The following INPP4B variants were observed in gnomAD, a reference collection of about 807,000 sequenced individuals.
INPP4B encodes inositol polyphosphate 4-phosphatase type II.
In INPP4B, 55 loss-of-function variants were observed where a neutral mutation model predicts 122.5. The ratio of observed to expected loss-of-function variants is 0.45; its 90% CI spans 0.36 to 0.56. The LOEUF is 0.56. Among genes scored for constraint, INPP4B ranks in the 20% least tolerant of loss-of-function variants. The pLI, the probability that INPP4B is intolerant of heterozygous loss-of-function variation, is 0.00. For missense variants in INPP4B, 1,000 were observed against 1,097.7 expected (o/e 0.91, Z 1.26); for synonymous variants, 403 against 388.7 (o/e 1.04, Z -0.43).
At chr4:142,449,483 C>A (rs532419606) in intron 3 of INPP4B, among the ~76,000 whole-genome samples, 124 of 152,218 alleles carry the variant, frequency 8.1e-4, no homozygotes, top group African/African-American at 2.9e-3. Flanking sequence ...GCGGGTGGAT[C>A]ATGAGGTCAA....
At chr4:142,253,427 T>C (rs1733561957) in intron 11 of INPP4B, among the ~76,000 whole-genome samples, 2 of 152,204 alleles carry the variant, frequency 1.3e-5, no homozygotes, top group African/African-American at 4.8e-5. Context: ...GATTTCCGCA[T>C]TTCCATCTGA....
In INPP4B at chr4:142,024,187, T is replaced by A. The variant is rs1736311925; in HGVS notation, c.*4595A>T. The A allele has an allele frequency of 6.6e-6, 1 of 152,170 alleles. No homozygotes were observed. The highest frequency in any genetic ancestry group is 6.6e-5 in the Admixed American group (1 of 15,266). 9.4% of individuals were successfully genotyped at this position (152,170 alleles called of 1,614,324 possible). A position where few individuals can be genotyped will look rare whatever the true frequency, so the allele number is the denominator to read the frequency against. ...TTTATTTTCCAATTCTTAAAGATAG[T>A]TTTTGCTATAGGTGGCATCTCTGTG... On this transcript the variant is annotated 3_prime_UTR_variant, in exon 26 of 26. Transcript: ENST00000262992.
intron 12 of INPP4B, among the ~76,000 whole-genome samples, chr4:142,233,521 T>C (rs1561557905): frequency 6.6e-6 from 1 of 152,180 alleles, no homozygotes; most frequent in Non-Finnish European, 1.5e-5. Context: ...TTGCACTCTT[T>C]GCAACTATTG....
chr4:142,742,435 A>T (rs1768039972), intron 1 of INPP4B, among the ~76,000 whole-genome samples: 1 of 152,024 alleles, frequency 6.6e-6, no homozygotes, highest in Admixed American at 6.6e-5. Flanking sequence ...CCCCATCTTG[A>T]GTTGACTCTA....
At chr4:142,609,402 A>C (rs368191541) in intron 2 of INPP4B, among the ~76,000 whole-genome samples, 1 of 151,996 alleles carries the variant, frequency 6.6e-6, no homozygotes, top group Non-Finnish European at 1.5e-5. Flanking sequence ...TTCTGTGCAC[A>C]TAAGTAAATG....
intron 2 of INPP4B, among the ~76,000 whole-genome samples, chr4:142,584,897 T>C (rs970285362): frequency 2.6e-5 from 4 of 152,188 alleles, no homozygotes; most frequent in Non-Finnish European, 5.9e-5. Flanking sequence ...GTTTATTTAT[T>C]CAGTCATTTA....
At chr4:142,120,363 G>A (rs943629138) in intron 21 of INPP4B, among the ~76,000 whole-genome samples, 1 of 151,950 alleles carries the variant, frequency 6.6e-6, no homozygotes. Context: ...GCCAATTTCT[G>A]CAAAAAGACT....
At position 142,062,119 on chromosome 4, in the gene INPP4B, G is replaced by T. The variant is rs146420525; in HGVS notation, c.2642+19912C>A. Reference sequence around the variant, plus strand: ...GTTAGACTATTTCCTCAAACACAGAGATCTAAGCTTGCTCTAGTAATTCTG... The same window carrying T: ...GTTAGACTATTTCCTCAAACACAGATATCTAAGCTTGCTCTAGTAATTCTG... On this transcript the variant is annotated intron_variant, in intron 25 of 25. Transcript: ENST00000262992. Among the ~76,000 whole-genome samples, 326 of 152,050 alleles carry T rather than the reference G, an allele frequency of 2.1e-3. 1 individual carries two copies. The highest frequency in any genetic ancestry group is 7.6e-3 in the African/African-American group (314 of 41,458).
At chr4:142,361,321 T>C (rs1785312952) in intron 7 of INPP4B, among the ~76,000 whole-genome samples, 1 of 151,982 alleles carries the variant, frequency 6.6e-6, no homozygotes, top group African/African-American at 2.4e-5. Context: ...ATCCCTAATC[T>C]TTGAAAACTA....
At chr4:142,608,935 A>G (rs907986417) in intron 2 of INPP4B, among the ~76,000 whole-genome samples, 4 of 152,100 alleles carry the variant, frequency 2.6e-5, no homozygotes, top group Admixed American at 6.6e-5. Context: ...GTATATTTGA[A>G]TCTTCAGGAC....
chr4:142,510,255 C>T (rs1403740108), intron 2 of INPP4B, among the ~76,000 whole-genome samples: 1 of 152,166 alleles, frequency 6.6e-6, no homozygotes, highest in Non-Finnish European at 1.5e-5. Context: ...TAATCCAACA[C>T]AGAATGCCAC....
intron 18 of INPP4B, among the ~76,000 whole-genome samples, chr4:142,133,934 C>T (rs1052874837): frequency 2.0e-5 from 3 of 152,178 alleles, no homozygotes; most frequent in African/African-American, 7.2e-5. Flanking sequence ...AACATTACAT[C>T]AAAACCCTTT....
intron 7 of INPP4B, among the ~76,000 whole-genome samples, chr4:142,361,726 C>T (rs561089095): frequency 6.6e-6 from 1 of 152,040 alleles, no homozygotes; most frequent in Admixed American, 6.6e-5. Flanking sequence ...TCTGATCCCT[C>T]TGCAAGGTCT....
At chr4:142,378,375 G>T (rs1194848777) in intron 7 of INPP4B, among the ~76,000 whole-genome samples, 1 of 152,120 alleles carries the variant, frequency 6.6e-6, no homozygotes, top group African/African-American at 2.4e-5. Flanking sequence ...TAAAAACCTT[G>T]CTCGGGCACC....
chr4:142,718,681 T>C (rs938628581), intron 2 of INPP4B, among the ~76,000 whole-genome samples: 91 of 152,314 alleles, frequency 6.0e-4, no homozygotes, highest in African/African-American at 2.1e-3. Flanking sequence ...TTCATATTGA[T>C]GTTCATATGC....
At chr4:142,679,548 A>G (rs1001560439) in intron 2 of INPP4B, among the ~76,000 whole-genome samples, 1 of 151,862 alleles carries the variant, frequency 6.6e-6, no homozygotes, top group South Asian at 2.1e-4. Flanking sequence ...ATGCATTCCA[A>G]TATAGTTGTT....
At chr4:142,307,761 A>C (rs3775696) in intron 8 of INPP4B, among the ~76,000 whole-genome samples, 36,195 of 152,104 alleles carry the variant, frequency 0.24, 4,341 homozygotes, top group South Asian at 0.28. Flanking sequence ...CATTATTCAC[A>C]CTCAAAGAAA....
chr4:142,113,574 T>C (rs919919497), intron 21 of INPP4B, among the ~76,000 whole-genome samples: 4 of 152,034 alleles, frequency 2.6e-5, no homozygotes, highest in Non-Finnish European at 5.9e-5. Flanking sequence ...GACTTGTTTC[T>C]TTCTACCTAT....
At chr4:142,093,266 C>G (rs1780364716) in intron 23 of INPP4B, among the ~76,000 whole-genome samples, 1 of 152,180 alleles carries the variant, frequency 6.6e-6, no homozygotes, top group Admixed American at 6.5e-5. Flanking sequence ...GCCTCCAGTT[C>G]TCAGCCCCCA....
Sources: allele counts gnomAD v4.1 joint callset (sites outside exome capture counted in the v4.1 genomes callset), GRCh38; gene constraint gnomAD v4.1.1; transcripts MANE v1.5; gene names NCBI Gene and HGNC (gene_info 2026-07-23, HGNC 2026-07-21).